The following SUMF1 variants were observed in gnomAD, a reference collection of about 807,000 sequenced individuals.
SUMF1 encodes the protein formylglycine-generating enzyme.
A neutral mutation model predicts 47.6 loss-of-function variants in SUMF1; 48 were observed. The observed-to-expected ratio is 1.01, with a 90% CI of 0.80 to 1.28. The LOEUF is 1.28. SUMF1 is among the 50% of genes most tolerant of loss of function. The probability of loss-of-function intolerance (pLI) is 0.00; values close to 1 mark genes in which losing one functional copy is unlikely to be tolerated. For missense variants in SUMF1, 571 were observed against 485.4 expected, an observed-to-expected ratio of 1.18 and a Z score of -1.66; for synonymous variants, 230 against 192.1, an observed-to-expected ratio of 1.20 and a Z score of -1.63.
At chr3:4,037,715 G>C (rs1694824140) in intron 9 of SUMF1, among the ~76,000 whole-genome samples, 1 of 152,140 alleles carries the variant, frequency 6.6e-6, no homozygotes, top group Admixed American at 6.5e-5. Flanking sequence ...ATCATTTAGA[G>C]GACATAGACA....
chr3:4,037,863 G>T (rs1448177656), intron 9 of SUMF1, among the ~76,000 whole-genome samples: 2 of 152,194 alleles, frequency 1.3e-5, no homozygotes, highest in Non-Finnish European at 2.9e-5. Flanking sequence ...CCAAGGCTTT[G>T]CGCAGGGTCT....
chr3:4,116,783 T>A (rs2125074544), intron 8 of SUMF1, among the ~76,000 whole-genome samples: 1 of 152,260 alleles, frequency 6.6e-6, no homozygotes, highest in East Asian at 1.9e-4. Context: ...TACTTCTCAC[T>A]GGACAATTCC....
At chr3:4,265,274 T>C (rs948812959) in intron 8 of SUMF1, among the ~76,000 whole-genome samples, 1 of 152,100 alleles carries the variant, frequency 6.6e-6, no homozygotes, top group African/African-American at 2.4e-5. Flanking sequence ...AGAATCTCAA[T>C]GTTGAGTATC....
In SUMF1 at chr3:4,317,103, C is replaced by T. The variant is rs919612569; in HGVS notation, c.1014+59227G>A. On this transcript the variant is annotated intron_variant and NMD_transcript_variant, in intron 8 of 12. Transcript: ENST00000448413. Reference sequence around the variant, plus strand: ...TCTCAACAACTTTTTGCAGGGAAAACGCTTCCACAACCAGCAGGATGCAGA... The same window carrying T: ...TCTCAACAACTTTTTGCAGGGAAAATGCTTCCACAACCAGCAGGATGCAGA... The T allele has an allele frequency of 4.2e-5, 65 of 1,546,500 alleles. No homozygotes were observed. In the Admixed American group the frequency reaches 6.9e-4, roughly 16 times the overall value.
At chr3:4,133,122 T>C (rs1254257295) in intron 8 of SUMF1, among the ~76,000 whole-genome samples, 1 of 152,136 alleles carries the variant, frequency 6.6e-6, no homozygotes, top group African/African-American at 2.4e-5. Flanking sequence ...TCATGAGTAC[T>C]TCCTTCTTCT....
chr3:4,415,189 T>C (rs1034304305), intron 6 of SUMF1, among the ~76,000 whole-genome samples: 13 of 138,328 alleles, frequency 9.4e-5, no homozygotes, highest in African/African-American at 3.4e-4. Flanking sequence ...ATCACGCCAC[T>C]GCACTCCAGC....
chr3:4,451,670 G>A lies in SUMF1; in HGVS notation c.444+1206C>T, dbSNP rs890193986. 1.1e-4 allele frequency among the ~76,000 whole-genome samples: 17 copies of A among 152,142 alleles called. 1 individual carries two copies. The highest frequency in any genetic ancestry group is 1.0e-3 in the Admixed American group (16 of 15,268). On this transcript the variant is annotated intron_variant, in intron 2 of 8. Transcript: ENST00000272902. ...AAGGAAAAGGACTTCTGCTTATTAC[G>A]AATGTGTACAAAAACGGTTTTTTTG... is the stretch of plus-strand genomic sequence containing the variant.
chr3:4,312,130 A>T (rs1349426757), intron 8 of SUMF1, among the ~76,000 whole-genome samples: 4 of 152,188 alleles, frequency 2.6e-5, no homozygotes, highest in Non-Finnish European at 4.4e-5. Flanking sequence ...ATATCTAGTA[A>T]TATCTATTTA....
chr3:4,127,808 G>A (rs887033340), intron 8 of SUMF1, among the ~76,000 whole-genome samples: 3 of 152,026 alleles, frequency 2.0e-5, no homozygotes, highest in African/African-American at 7.2e-5. Context: ...TTGGTTTTGG[G>A]GTTTCTGGAG....
At chr3:4,461,623 C>A (rs2079816326) in intron 1 of SUMF1, among the ~76,000 whole-genome samples, 2 of 152,094 alleles carry the variant, frequency 1.3e-5, no homozygotes, top group South Asian at 4.1e-4. Flanking sequence ...GAACTTCCGG[C>A]CGAGTTTTTT....
intron 8 of SUMF1, among the ~76,000 whole-genome samples, chr3:4,086,085 T>A (rs1692665147): frequency 6.6e-6 from 1 of 151,906 alleles, no homozygotes; most frequent in South Asian, 2.1e-4. Flanking sequence ...AGGCTGGGGT[T>A]CTAAACACAG....
chr3:4,160,923 T>C (rs536074581), intron 8 of SUMF1, among the ~76,000 whole-genome samples: 1 of 152,252 alleles, frequency 6.6e-6, no homozygotes, highest in Non-Finnish European at 1.5e-5. Flanking sequence ...TTATTTATTG[T>C]AGTCTTCACA....
rs141005160 is a variant in SUMF1 at position 4,265,001 on chromosome 3, C to T, written c.1014+111329G>A. Among the ~76,000 whole-genome samples, 175 of 152,066 alleles carry T rather than the reference C, an allele frequency of 1.2e-3. 3 individuals carry two copies. The East Asian group carries it at 0.028, about 25-fold the overall frequency. ...ATACAAAATTAGCTGTGTGTGGTGG[C>T]GCATGCCTGTAATCCCAGCTGCTCA... On this transcript the variant is annotated intron_variant and NMD_transcript_variant, in intron 8 of 12. Transcript: ENST00000448413.
chr3:4,156,078 T>G (rs1274782187), intron 8 of SUMF1, among the ~76,000 whole-genome samples: 3 of 151,476 alleles, frequency 2.0e-5, no homozygotes, highest in African/African-American at 7.4e-5. Flanking sequence ...CTTATGAAAT[T>G]TAAAGTATAA....
At chr3:4,115,195 G>C (rs899922975) in intron 8 of SUMF1, among the ~76,000 whole-genome samples, 4 of 152,056 alleles carry the variant, frequency 2.6e-5, no homozygotes, top group African/African-American at 9.7e-5. Flanking sequence ...ATCAACAGCA[G>C]GACGACATGG....
At chr3:4,132,659 A>G (rs1319847668) in intron 8 of SUMF1, among the ~76,000 whole-genome samples, 2 of 152,040 alleles carry the variant, frequency 1.3e-5, no homozygotes, top group Non-Finnish European at 2.9e-5. Context: ...GAACGCTGCC[A>G]CCAGGAGACA....
chr3:4,072,633 A>G (rs1378730603), intron 8 of SUMF1, among the ~76,000 whole-genome samples: 1 of 152,190 alleles, frequency 6.6e-6, no homozygotes, highest in Non-Finnish European at 1.5e-5. Flanking sequence ...GTAGAGTAGA[A>G]CATAAATGAC....
At chr3:4,208,492 G>A (rs1463388309) in intron 8 of SUMF1, among the ~76,000 whole-genome samples, 1 of 149,530 alleles carries the variant, frequency 6.7e-6, no homozygotes, top group Non-Finnish European at 1.5e-5. Flanking sequence ...AAACTGTGAG[G>A]AGACAAAACA....
chr3:4,080,167 C>G (rs937705578), intron 8 of SUMF1, among the ~76,000 whole-genome samples: 18 of 152,092 alleles, frequency 1.2e-4, no homozygotes, highest in Non-Finnish European at 4.4e-5. Context: ...TCAGTGTTAA[C>G]TAATCACTCC....
Sources: allele counts gnomAD v4.1 joint callset (sites outside exome capture counted in the v4.1 genomes callset), GRCh38; gene constraint gnomAD v4.1.1; transcripts MANE v1.5; gene names NCBI Gene and HGNC (gene_info 2026-07-23, HGNC 2026-07-21).